ITGA5: variants seen among roughly 807,000 people sequenced by gnomAD.
ITGA5 encodes integrin alpha-5.
Under a neutral mutation model 146.3 loss-of-function variants are expected in ITGA5, and 55 were observed. The observed-to-expected ratio is 0.38, with a 90% CI of 0.30 to 0.47. The LOEUF (loss-of-function observed/expected upper bound fraction) is 0.47, where lower values mean the gene tolerates loss of function less well. Ranked by LOEUF, ITGA5 falls within the 20% of genes least tolerant of loss-of-function variation. The pLI is 0.99. For missense variants in ITGA5, 1,131 were observed against 1,329.0 expected (o/e 0.85, Z 2.32); for synonymous variants, 500 against 531.8 (o/e 0.94, Z 0.82).
chr12:54,418,947 C>A (rs781545579), intron 1 of ITGA5, 34 bp downstream of exon 1: 14 of 1,607,760 alleles, frequency 8.7e-6, no homozygotes, highest in East Asian at 4.5e-5. Flanking sequence ...GCGGCTCCCC[C>A]ACCCCCATCC....
intron 1 of ITGA5, among the ~76,000 whole-genome samples, chr12:54,418,749 G>A (rs1328404463): frequency 1.3e-5 from 2 of 151,452 alleles, no homozygotes; most frequent in East Asian, 2.0e-4. Context: ...TCTCCCCACC[G>A]GACACATGTC....
intron 28 of ITGA5, 134 bp downstream of exon 28, chr12:54,398,463 G>A: frequency 1.6e-6 from 1 of 627,286 alleles, no homozygotes; most frequent in Non-Finnish European, 2.8e-6. Context: ...TCTGGCATCT[G>A]CACAGTGCTT....
chr12:54,407,297 A>ATTT (rs1955879538), intron 9 of ITGA5: 1 of 277,670 alleles, frequency 3.6e-6, no homozygotes, highest in Non-Finnish European at 7.0e-6. Flanking sequence ...ATCTTTTAAA[A>ATTT]AGCACTTGTC....
chr12:54,412,328 A>G lies in ITGA5; in HGVS notation c.219-364T>C, dbSNP rs373903593. On this transcript the variant is annotated intron_variant, in intron 1 of 29. Coordinates refer to ENST00000293379, the MANE Select transcript of ITGA5 (RefSeq NM_002205.5). ...CTACGTACCTGCTGAGATTAGATGT[A>G]TAGCTTCTGGAGCGCCAAGGTCCTG... The G allele has an allele frequency of 1.7e-3, 291 of 169,672 alleles. 3 individuals carry two copies. The highest frequency in any genetic ancestry group is 4.2e-3 in the African/African-American group (177 of 42,178). 10.5% of individuals were successfully genotyped at this position (169,672 alleles called of 1,614,324 possible).
intron 27 of ITGA5, among the ~76,000 whole-genome samples, chr12:54,399,197 A>G (rs1955755281): frequency 6.6e-6 from 1 of 152,110 alleles, no homozygotes; most frequent in African/African-American, 2.4e-5. Flanking sequence ...GTGTAACTGA[A>G]TAATTGTAAC....
chr12:54,402,280 A>C lies in ITGA5; in HGVS notation c.2033T>G (p.Phe678Cys), dbSNP rs367885610. Residue 678 changes from phenylalanine to cysteine, a missense_variant, in exon 20 of 30, where the codon TTC (phenylalanine) becomes TGC (cysteine). Coordinates refer to ENST00000293379, the MANE Select transcript of ITGA5 (RefSeq NM_002205.5). ...LGDKNALNLT[F>C]HAQNVGEGGA... ...ACCCTCACCCACATTCTGGGCATGG[A>C]AAGTGAGGTTCAGGGCATTCTTGTC... is the stretch of plus-strand genomic sequence containing the variant. 6.2e-7 allele frequency: 1 copy of C among 1,614,170 alleles called. No homozygotes were observed. Among genetic ancestry groups the C allele is most frequent in the Non-Finnish European group, 8.5e-7 (1 of 1,180,028 alleles).
intron 9 of ITGA5, 162 bp from the exon 10 acceptor site, chr12:54,406,088 G>A: frequency 1.5e-6 from 1 of 653,944 alleles, no homozygotes; most frequent in South Asian, 1.7e-5. Flanking sequence ...CCACCTCTAT[G>A]CCAGGTAGTT....
At chr12:54,417,279 G>C (rs549499997) in intron 1 of ITGA5, among the ~76,000 whole-genome samples, 2 of 151,862 alleles carry the variant, frequency 1.3e-5, no homozygotes, top group Non-Finnish European at 1.5e-5. Context: ...TTTAGGGGAG[G>C]GGGGAGTAAA....
At position 54,401,489 on chromosome 12, in the gene ITGA5, G is replaced by GGGTGGTTTAGAGGA. The variant is rs143692284; in HGVS notation, c.2388-25_2388-12dup. 0.015 allele frequency: 23,707 copies of GGGTGGTTTAGAGGA among 1,611,322 alleles called. 535 individuals carry two copies. Among genetic ancestry groups the GGGTGGTTTAGAGGA allele is most frequent in the South Asian group, 0.075 (6,825 of 90,892 alleles). On this transcript the variant is annotated splice_polypyrimidine_tract_variant and intron_variant, in intron 23 of 29. Coordinates refer to ENST00000293379, the MANE Select transcript of ITGA5 (RefSeq NM_002205.5). The surrounding 1 kb of genome is among the most constrained non-coding windows in gnomAD (Gnocchi z 5.0). The stretch of plus-strand genomic sequence containing the variant: ...TCAGGCTTGGAGACACTAAGGAGGA[G>GGGTGGTTTAGAGGA]GGTGGTTTAGAGGAGGGTGGAAGGA...
Position 54,419,189 on chromosome 12 carries a change from G to A in ITGA5, c.10C>T (p.Arg4Trp), listed in dbSNP as rs772245737. Residue 4 changes from arginine to tryptophan, a missense_variant, in exon 1 of 30, where the codon CGG becomes TGG. Physicochemically the swap from Arg to Trp is moderately radical, Grantham distance 101. Transcript: ENST00000293379. ...GCGTGGAGAGGGGACTCTGGCGTCC[G>A]GCTCCCCATAGCGCCCGCTCTTCCC... MGSRTPESPLHAVQ... is the reference protein window; with the variant it reads MGSWTPESPLHAVQ... 6.4e-7 allele frequency: 1 copy of A among 1,562,304 alleles called. No homozygotes were observed. The highest frequency in any genetic ancestry group is 8.7e-7 in the Non-Finnish European group (1 of 1,154,694).
At position 54,403,350 on chromosome 12, in the gene ITGA5, G is replaced by C. The variant is rs1173240201; in HGVS notation, c.1777-26C>G. 6.6e-7 allele frequency: 1 copy of C among 1,504,816 alleles called. No homozygotes were observed. The highest frequency in any genetic ancestry group is 2.3e-5 in the East Asian group (1 of 43,010). 93.2% of individuals were successfully genotyped at this position (1,504,816 alleles called of 1,614,324 possible). On this transcript the variant is annotated intron_variant, in intron 17 of 29. Transcript: ENST00000293379. The surrounding 1 kb of genome is among the most constrained non-coding windows in gnomAD (Gnocchi z 4.9). ...CTGGGGCCAGAGGAGAGAGTTCACG[G>C]AGTCAGGGGACTCTGGAGACTTAGT...
intron 19 of ITGA5, 64 bp from the exon 20 acceptor site, chr12:54,402,394 A>C: frequency 6.8e-7 from 1 of 1,473,998 alleles, no homozygotes; most frequent in South Asian, 1.2e-5. Context: ...ACAAAGGACC[A>C]TTATAAGAGT....
intron 6 of ITGA5, among the ~76,000 whole-genome samples, chr12:54,408,479 G>A: frequency 6.6e-6 from 1 of 152,086 alleles, no homozygotes; most frequent in East Asian, 1.9e-4. Flanking sequence ...TATAATCCCA[G>A]CACTTTGAGA....
At position 54,409,376 on chromosome 12, in the gene ITGA5, CCTT is replaced by C. The variant is rs770770462; in HGVS notation, c.463-27_463-25del. On this transcript the variant is annotated intron_variant, in intron 3 of 29. Transcript: ENST00000293379. The surrounding 1 kb of genome is among the most constrained non-coding windows in gnomAD (Gnocchi z 4.7). ...GCCTGGGAGGGCCCAGGAGGAGGGG[CCTT>C]CAGATTCAGTCCAATAAGGCCCTTC... 1.2e-6 allele frequency: 2 copies of C among 1,609,520 alleles called. No homozygotes were observed. Among genetic ancestry groups the C allele is most frequent in the Admixed American group, 3.4e-5 (2 of 59,444 alleles).
At position 54,418,981 on chromosome 12, in the gene ITGA5, C is replaced by G. The variant is rs986381316; in HGVS notation, c.218G>C (p.Gly73Ala). 1 of 1,611,004 alleles carries G rather than the reference C, an allele frequency of 6.2e-7. No homozygotes were observed. The highest frequency in any genetic ancestry group is 8.5e-7 in the Non-Finnish European group (1 of 1,179,266). The change falls in exon 1 of 30, where the codon GGG becomes GCG. Residue 73 changes from glycine (G) to alanine (A), a missense_variant and splice_region_variant. Gly to Ala is a moderately conservative substitution (Grantham distance 60). Around this residue, in one of 3 missense-constraint regions of ITGA5, gnomAD observed 175 missense variants for 179.3 expected, o/e 0.98. Coordinates refer to ENST00000293379, the MANE Select transcript of ITGA5 (RefSeq NM_002205.5). ...CCCGTCTCCAGCCCTCCTCACTCAC[C>G]CGTCTGTTCCCGGCCGGTAAAACTC... The part of the protein sequence containing the change: ...SVEFYRPGTD[G>A]VSVLVGAPKA...
intron 25 of ITGA5, 53 bp downstream of exon 25, chr12:54,400,793 C>G (rs974647257): frequency 2.5e-6 from 4 of 1,585,672 alleles, no homozygotes; most frequent in African/African-American, 1.3e-5. Context: ...AACCCCTCAG[C>G]CTTGGTCCTC....
chr12:54,418,947 C>G lies in ITGA5; in HGVS notation c.218+34G>C, dbSNP rs781545579. On this transcript the variant is annotated intron_variant, in intron 1 of 29. Transcript: ENST00000293379. ...GCCCCCAGTCTCCAGGCGGCTCCCC[C>G]ACCCCCATCCCGTCTCCAGCCCTCC... 3.7e-6 allele frequency: 6 copies of G among 1,607,878 alleles called. No homozygotes were observed. The Admixed American group carries it at 6.8e-5, about 18-fold the overall frequency.
Position 54,405,939 on chromosome 12 carries a change from G to A in ITGA5, c.907-13C>T, listed in dbSNP as rs141334360. ...TAAGGATGGTGACCTGGGAGATGAA[G>A]AGATAGGCCCATTGGTCCTGGACTC... On this transcript the variant is annotated splice_polypyrimidine_tract_variant and intron_variant, in intron 9 of 29. Transcript: ENST00000293379. 1.2e-4 allele frequency: 196 copies of A among 1,612,332 alleles called. 1 individual carries two copies. In the East Asian group the frequency reaches 3.5e-3, roughly 29 times the overall value.
Position 54,419,212 on chromosome 12 carries a change from C to A in ITGA5, c.-14G>T. The A allele has an allele frequency of 6.4e-7, 1 of 1,552,118 alleles. No individual in the cohort carries two copies. The highest frequency in any genetic ancestry group is 8.7e-7 in the Non-Finnish European group (1 of 1,149,098). On this transcript the variant is annotated 5_prime_UTR_variant, in exon 1 of 30. Transcript: ENST00000293379. ...CCGGCTCCCCATAGCGCCCGCTCTT[C>A]CCTGTCCTGGGGCCACCGACCCGGA...
Sources: allele counts gnomAD v4.1 joint callset (sites outside exome capture counted in the v4.1 genomes callset), GRCh38; gene constraint gnomAD v4.1.1; regional missense constraint gnomAD v4.1.1; non-coding constraint Gnocchi (gnomAD v3.1); transcripts MANE v1.5; gene names NCBI Gene and HGNC (gene_info 2026-07-23, HGNC 2026-07-21).